The following NAALADL2 variants were observed in gnomAD, a reference collection of about 807,000 sequenced individuals.
NAALADL2 encodes N-acetylated alpha-linked acidic dipeptidase like 2.
Under a neutral mutation model 87.2 loss-of-function variants are expected in NAALADL2, and 76 were observed. That is an observed-to-expected ratio of 0.87 (90% CI 0.72 to 1.05). The LOEUF (loss-of-function observed/expected upper bound fraction) is 1.05. Ranked by LOEUF, NAALADL2 falls within the 50% of genes least tolerant of loss-of-function variation. The pLI, the probability that NAALADL2 is intolerant of heterozygous loss-of-function variation, is 0.00. For missense variants in NAALADL2, 1,089 were observed against 945.8 expected (o/e 1.15, Z -1.99); for synonymous variants, 354 against 331.0 (o/e 1.07, Z -0.75).
Position 174,948,216 on chromosome 3 carries a change from G to A in NAALADL2, c.43+88766G>A, listed in dbSNP as rs181409662. On this transcript the variant is annotated intron_variant, in intron 1 of 13. Transcript: ENST00000454872. ...TTTTGAGATGGAGTCTTGCTCTGTC[G>A]CCCAGACTGGAGTGCATTGGCTTGA... Among the ~76,000 whole-genome samples the A allele has an allele frequency of 1.9e-3, 281 of 151,378 alleles. 2 individuals carry two copies. Among genetic ancestry groups the A allele is most frequent in the South Asian group, 0.014 (68 of 4,810 alleles).
At chr3:175,454,005 T>G (rs1410795815) in intron 6 of NAALADL2, among the ~76,000 whole-genome samples, 1 of 152,098 alleles carries the variant, frequency 6.6e-6, no homozygotes, top group Non-Finnish European at 1.5e-5. Flanking sequence ...TTGTTTTGAG[T>G]ATTAATTTTG....
At chr3:175,290,510 TACTTTG>T (rs1385619738) in intron 4 of NAALADL2, among the ~76,000 whole-genome samples, 3 of 152,222 alleles carry the variant, frequency 2.0e-5, no homozygotes, top group Admixed American at 1.3e-4. Context: ...AAATGTTCTA[TACTTTG>T]ACTTTGGTGG....
intron 1 of NAALADL2, among the ~76,000 whole-genome samples, chr3:175,081,723 T>G (rs1018913947): frequency 6.6e-6 from 1 of 152,178 alleles, no homozygotes; most frequent in African/African-American, 2.4e-5. Context: ...CCTAACCATT[T>G]CTGATTTCTT....
At chr3:174,874,135 A>C (rs1728191051) in intron 1 of NAALADL2, among the ~76,000 whole-genome samples, 2 of 152,100 alleles carry the variant, frequency 1.3e-5, no homozygotes, top group Admixed American at 6.5e-5. Context: ...GGATGGTAGT[A>C]TGCTGTTTTT....
At chr3:175,642,499 C>CTTTTTTTTT (rs1206070195) in intron 11 of NAALADL2, among the ~76,000 whole-genome samples, 3 of 141,404 alleles carry the variant, frequency 2.1e-5, no homozygotes, top group African/African-American at 2.6e-5. Context: ...TCACCCAAAT[C>CTTTTTTTTT]TTTTTTTTTT....
intron 1 of NAALADL2, among the ~76,000 whole-genome samples, chr3:174,965,351 G>T (rs1742715246): frequency 6.6e-6 from 1 of 151,770 alleles, no homozygotes; most frequent in Admixed American, 6.6e-5. Context: ...CTTATTCTCA[G>T]AAGTTACATA....
chr3:175,795,976 C>T (rs1219757743), intron 13 of NAALADL2, among the ~76,000 whole-genome samples: 3 of 151,658 alleles, frequency 2.0e-5, no homozygotes, highest in African/African-American at 7.3e-5. Context: ...TAAAGGAAAA[C>T]CTCTACTGAC....
chr3:175,010,404 A>T (rs1043793703), intron 1 of NAALADL2, among the ~76,000 whole-genome samples: 2 of 152,132 alleles, frequency 1.3e-5, no homozygotes, highest in African/African-American at 4.8e-5. Flanking sequence ...AAAGCACTTG[A>T]CCTTCATTTG....
At chr3:174,486,410 C>A (rs1442135251) in intron 1 of NAALADL2, among the ~76,000 whole-genome samples, 1 of 152,036 alleles carries the variant, frequency 6.6e-6, no homozygotes, top group African/African-American at 2.4e-5. Flanking sequence ...ATGGCTGGGT[C>A]CCCCTAGTGC....
intron 1 of NAALADL2, among the ~76,000 whole-genome samples, chr3:174,867,909 A>G: frequency 6.6e-6 from 1 of 152,062 alleles, no homozygotes; most frequent in East Asian, 1.9e-4. Flanking sequence ...TCTGTGTTAC[A>G]GTGACTCTCG....
intron 11 of NAALADL2, chr3:175,675,197 A>G (rs1394036881): frequency 6.6e-6 from 1 of 152,208 alleles, no homozygotes; most frequent in Non-Finnish European, 1.5e-5. Flanking sequence ...ATTCCTTATT[A>G]TTGAATGTTA....
At chr3:175,584,324 A>C (rs566550723) in intron 10 of NAALADL2, among the ~76,000 whole-genome samples, 2 of 152,208 alleles carry the variant, frequency 1.3e-5, no homozygotes, top group South Asian at 4.2e-4. Flanking sequence ...GGTGTGAGCT[A>C]CCACGCCCGC....
chr3:174,918,434 A>G (rs1579517968), intron 1 of NAALADL2, among the ~76,000 whole-genome samples: 2 of 152,112 alleles, frequency 1.3e-5, no homozygotes, highest in Non-Finnish European at 2.9e-5. Flanking sequence ...CCACCTCAAA[A>G]CTCACTGACT....
chr3:175,247,004 C>T (rs578022072), intron 3 of NAALADL2, among the ~76,000 whole-genome samples: 8 of 152,212 alleles, frequency 5.3e-5, no homozygotes, highest in Non-Finnish European at 8.8e-5. Flanking sequence ...GAATTCCCTA[C>T]GTAGTAATTA....
chr3:174,636,035 T>C (rs970176866), intron 2 of NAALADL2, among the ~76,000 whole-genome samples: 3 of 152,098 alleles, frequency 2.0e-5, no homozygotes. Context: ...GCCAGAAAAA[T>C]ATGGAAATGC....
chr3:174,508,124 T>G (rs867548867), intron 1 of NAALADL2, among the ~76,000 whole-genome samples: 2 of 128,526 alleles, frequency 1.6e-5, no homozygotes, highest in African/African-American at 2.6e-5. Context: ...GTTTTTTTTT[T>G]TTTTTTTGAG....
At chr3:174,461,986 T>C (rs984698978) in intron 1 of NAALADL2, among the ~76,000 whole-genome samples, 2 of 152,092 alleles carry the variant, frequency 1.3e-5, no homozygotes, top group Non-Finnish European at 2.9e-5. Flanking sequence ...TGTGTTCTTA[T>C]GGTTGTATTC....
At chr3:175,217,861 T>C (rs1742792622) in intron 2 of NAALADL2, among the ~76,000 whole-genome samples, 1 of 152,206 alleles carries the variant, frequency 6.6e-6, no homozygotes, top group South Asian at 2.1e-4. Flanking sequence ...GGTTTGTGTT[T>C]GTTAGGAACA....
chr3:174,796,438 A>G (rs13434207), intron 3 of NAALADL2, among the ~76,000 whole-genome samples: 1 of 152,000 alleles, frequency 6.6e-6, no homozygotes, highest in Admixed American at 6.6e-5. Context: ...ATGTGTATTC[A>G]TTATTTAGCT....
Sources: gnomAD v4.1 joint callset for allele counts (sites outside exome capture counted in the v4.1 genomes callset) on GRCh38, gnomAD v4.1.1 for gene constraint, MANE v1.5 for transcripts, NCBI Gene and HGNC (gene_info 2026-07-23, HGNC 2026-07-21) for gene names.